BNC2: variants seen among roughly 807,000 people sequenced by gnomAD.
The protein encoded by BNC2 is zinc finger protein basonuclin-2.
In BNC2, 20 loss-of-function variants were observed where a neutral mutation model predicts 76.3. The ratio of observed to expected loss-of-function variants is 0.26; its 90% CI spans 0.18 to 0.38. The LOEUF is 0.38. Among genes scored for constraint, BNC2 ranks in the 10% least tolerant of loss-of-function variants. The probability of loss-of-function intolerance (pLI) is 1.00; values close to 1 mark genes in which losing one functional copy is unlikely to be tolerated. For synonymous variants in BNC2, 582 were observed against 514.8 expected, an observed-to-expected ratio of 1.13 and a Z score of -1.77; for missense variants, 1,382 against 1,399.8, an observed-to-expected ratio of 0.99 and a Z score of 0.20.
In BNC2 at chr9:16,413,295, T is replaced by C. The variant is rs1044509812; in HGVS notation, c.*5694A>G. The C allele has an allele frequency of 6.6e-6, 1 of 151,780 alleles. No homozygotes were observed. The highest frequency in any genetic ancestry group is 1.5e-5 in the Non-Finnish European group (1 of 67,960). The allele number at this position is 151,780 out of a possible 1,614,324, so 9.4% of individuals were successfully genotyped here. ...ACTATAGTATGTTGCTCCAAAAATATATATAGCATTATAATGAACAATAAT... is the reference window on the plus strand; with the variant it reads ...ACTATAGTATGTTGCTCCAAAAATACATATAGCATTATAATGAACAATAAT... On this transcript the variant is annotated 3_prime_UTR_variant, in exon 7 of 7. Transcript: ENST00000380672.
intron 3 of BNC2, among the ~76,000 whole-genome samples, chr9:16,686,090 C>T (rs1216132503): frequency 6.6e-6 from 1 of 151,974 alleles, no homozygotes; most frequent in Non-Finnish European, 1.5e-5. Context: ...CCTTTACGTT[C>T]TTAAAATATT....
At chr9:16,636,667 C>T (rs1821338000) in intron 3 of BNC2, among the ~76,000 whole-genome samples, 1 of 152,056 alleles carries the variant, frequency 6.6e-6, no homozygotes, top group Non-Finnish European at 1.5e-5. Context: ...AAGAAGAATC[C>T]AGTAACAGAT....
At chr9:16,532,298 CCT>C (rs1818006161) in intron 5 of BNC2, among the ~76,000 whole-genome samples, 1 of 151,650 alleles carries the variant, frequency 6.6e-6, no homozygotes, top group Non-Finnish European at 1.5e-5. Flanking sequence ...ATTTATTTTC[CCT>C]GTCCTTTTAT....
intron 3 of BNC2, among the ~76,000 whole-genome samples, chr9:16,609,360 A>C (rs1820475061): frequency 6.6e-6 from 1 of 152,174 alleles, no homozygotes; most frequent in South Asian, 2.1e-4. Context: ...GGGTGTTATG[A>C]TATGAAGAGA....
At chr9:16,656,534 C>A (rs879622433) in intron 3 of BNC2, among the ~76,000 whole-genome samples, 9 of 152,162 alleles carry the variant, frequency 5.9e-5, no homozygotes, top group South Asian at 2.1e-4. Context: ...ATACAAAAAA[C>A]CACACAAAAT....
chr9:16,818,625 G>A (rs1451077378), intron 1 of BNC2, among the ~76,000 whole-genome samples: 1 of 152,118 alleles, frequency 6.6e-6, no homozygotes, highest in Non-Finnish European at 1.5e-5. Flanking sequence ...CTGAGTCTCA[G>A]TTTTCTCAAG....
intron 3 of BNC2, among the ~76,000 whole-genome samples, chr9:16,714,609 A>G (rs1180833565): frequency 6.6e-6 from 1 of 152,348 alleles, no homozygotes; most frequent in South Asian, 2.1e-4. Flanking sequence ...AAGCAAACCA[A>G]CAACTTGTTA....
chr9:16,766,700 C>G (rs913251770), intron 1 of BNC2, among the ~76,000 whole-genome samples: 3 of 152,216 alleles, frequency 2.0e-5, no homozygotes, highest in African/African-American at 7.2e-5. Context: ...ATCTTTTAAA[C>G]ATCTTCTACT....
chr9:16,753,574 A>G (rs1825284297), intron 1 of BNC2, among the ~76,000 whole-genome samples: 1 of 152,202 alleles, frequency 6.6e-6, no homozygotes, highest in South Asian at 2.1e-4. Flanking sequence ...ATTGTATGGC[A>G]AGGGGTAAAC....
At chr9:16,548,323 G>A (rs1818551276) in intron 5 of BNC2, among the ~76,000 whole-genome samples, 2 of 151,988 alleles carry the variant, frequency 1.3e-5, no homozygotes, top group Non-Finnish European at 2.9e-5. Flanking sequence ...ACAAAAGAGG[G>A]GGCCACTGCT....
At position 16,841,881 on chromosome 9, in the gene BNC2, C is replaced by G. The variant is rs531391235; in HGVS notation, c.3+28765G>C. Among the ~76,000 whole-genome samples the G allele has an allele frequency of 2.2e-4, 33 of 150,648 alleles. No homozygotes were observed. In the East Asian group the frequency reaches 6.3e-3, roughly 29 times the overall value. ...CTGGAGTGCAATGGCACAATCTCAG[C>G]TTACTGCAACCTCCACCTCCCGAGT... is the stretch of plus-strand genomic sequence containing the variant. On this transcript the variant is annotated intron_variant, in intron 1 of 6. Transcript: ENST00000380672.
intron 3 of BNC2, among the ~76,000 whole-genome samples, chr9:16,603,039 A>G (rs1248043288): frequency 6.6e-6 from 1 of 152,248 alleles, no homozygotes; most frequent in Non-Finnish European, 1.5e-5. Flanking sequence ...CCTTACTGGA[A>G]TATTGTTCTC....
At chr9:16,478,541 CT>C (rs1239073901) in intron 5 of BNC2, among the ~76,000 whole-genome samples, 1 of 152,176 alleles carries the variant, frequency 6.6e-6, no homozygotes, top group Non-Finnish European at 1.5e-5. Context: ...AAAATACTGC[CT>C]TTTTTTAGAT....
chr9:16,590,598 T>C (rs781104574), intron 3 of BNC2, among the ~76,000 whole-genome samples: 63 of 151,954 alleles, frequency 4.1e-4, no homozygotes, highest in Non-Finnish European at 8.1e-4. Context: ...GCACATAGCT[T>C]GAGCCAAAGA....
intron 1 of BNC2, among the ~76,000 whole-genome samples, chr9:16,827,656 G>C (rs1216471135): frequency 6.6e-6 from 1 of 152,174 alleles, no homozygotes; most frequent in Non-Finnish European, 1.5e-5. Context: ...TGGAATTTGT[G>C]AGTACTGGTG....
At chr9:16,755,491 T>C (rs1272290437) in intron 1 of BNC2, among the ~76,000 whole-genome samples, 2 of 152,140 alleles carry the variant, frequency 1.3e-5, no homozygotes, top group East Asian at 1.9e-4. Context: ...ATTAGGGTAA[T>C]ATCACTATGC....
chr9:16,659,155 G>C (rs930391656), intron 3 of BNC2, among the ~76,000 whole-genome samples: 4 of 149,720 alleles, frequency 2.7e-5, no homozygotes, highest in Admixed American at 1.3e-4. Context: ...GGCGGGGGGG[G>C]GCATGTGAAT....
intron 2 of BNC2, among the ~76,000 whole-genome samples, chr9:16,734,499 A>G (rs898493405): frequency 6.6e-5 from 10 of 152,236 alleles, no homozygotes; most frequent in African/African-American, 2.4e-4. Context: ...CATATTTACA[A>G]CTCTACCTTC....
At chr9:16,566,810 A>G (rs1819183617) in intron 4 of BNC2, among the ~76,000 whole-genome samples, 1 of 152,230 alleles carries the variant, frequency 6.6e-6, no homozygotes, top group African/African-American at 2.4e-5. Flanking sequence ...GCATCTATAA[A>G]GACAGGATTA....
Sources: gnomAD v4.1 joint callset for allele counts (sites outside exome capture counted in the v4.1 genomes callset) on GRCh38, gnomAD v4.1.1 for gene constraint, MANE v1.5 for transcripts, NCBI Gene and HGNC (gene_info 2026-07-23, HGNC 2026-07-21) for gene names.